CYP2U1: variants seen among roughly 807,000 people sequenced by gnomAD.
The protein encoded by CYP2U1 is cytochrome P450 family 2 subfamily U member 1.
Under a neutral mutation model 42.8 loss-of-function variants are expected in CYP2U1, and 28 were observed. The ratio of observed to expected loss-of-function variants is 0.65; its 90% CI spans 0.48 to 0.90. The LOEUF is 0.90. Ranked by LOEUF, CYP2U1 falls within the 40% of genes least tolerant of loss-of-function variation. CYP2U1 has a pLI of 0.00. For missense variants in CYP2U1, 642 were observed against 693.8 expected, an observed-to-expected ratio of 0.93 and a Z score of 0.84; for synonymous variants, 296 against 278.9, an observed-to-expected ratio of 1.06 and a Z score of -0.61.
At position 107,947,448 on chromosome 4, in the gene CYP2U1, T is replaced by C. The variant is rs199831660; in HGVS notation, c.1199T>C (p.Met400Thr). 1.2e-5 allele frequency: 19 copies of C among 1,614,122 alleles called. No individual in the cohort carries two copies. The East Asian group carries it at 3.6e-4, about 30-fold the overall frequency. ...CCTTCCCTCACAGACAAGGCCCAGATGCCCTACACAGAAGCCACCATCATG... is the reference window on the plus strand; with the variant it reads ...CCTTCCCTCACAGACAAGGCCCAGACGCCCTACACAGAAGCCACCATCATG... Reference protein sequence around the residue: ...RAPSLTDKAQMPYTEATIMEV... With the variant: ...RAPSLTDKAQTPYTEATIMEV... Residue 400 changes from methionine (M) to threonine (T), a missense_variant, in exon 3 of 5, where the codon ATG becomes ACG. Transcript: ENST00000332884.
At chr4:107,936,029 A>G (rs368691397) in intron 1 of CYP2U1, 1 of 152,244 alleles carries the variant, frequency 6.6e-6, no homozygotes, top group East Asian at 1.9e-4. Context: ...TTTGCTGAAA[A>G]GTTCCAGAAT....
chr4:107,940,766 C>T (rs915799364), intron 1 of CYP2U1: 1 of 151,980 alleles, frequency 6.6e-6, no homozygotes, highest in African/African-American at 2.4e-5. Flanking sequence ...AACATTCACC[C>T]TGTTTGTCTC....
intron 1 of CYP2U1, among the ~76,000 whole-genome samples, chr4:107,944,513 C>T (rs1733612674): frequency 6.6e-6 from 1 of 151,062 alleles, no homozygotes; most frequent in Non-Finnish European, 1.5e-5. Context: ...GTTCTGTTGC[C>T]CAAGCTGGTC....
chr4:107,942,132 A>G (rs1733516830), intron 1 of CYP2U1, among the ~76,000 whole-genome samples: 1 of 152,200 alleles, frequency 6.6e-6, no homozygotes, highest in Non-Finnish European at 1.5e-5. Flanking sequence ...TGAGCGTCCA[A>G]GCCAAGTTCT....
In CYP2U1 at chr4:107,949,487, A is replaced by T. The variant is rs1216013302; in HGVS notation, c.1426A>T (p.Lys476Ter). ...RFLDDQGQLIKKETFIPFGIG... is the reference protein window; with the variant it reads ...RFLDDQGQLI Reference sequence around the variant, plus strand: ...TCTGGATGACCAAGGACAACTAATTAAAAAAGAAACCTTTATTCCTTTTGG... The same window carrying T: ...TCTGGATGACCAAGGACAACTAATTTAAAAAGAAACCTTTATTCCTTTTGG... Residue 476 changes from lysine to a stop codon, truncating the protein, a stop_gained, in exon 4 of 5, where the codon AAA (lysine) becomes TAA (stop). Coordinates refer to ENST00000332884, the MANE Select transcript of CYP2U1 (RefSeq NM_183075.3). LOFTEE classifies it high-confidence loss of function. 2.5e-6 allele frequency: 4 copies of T among 1,598,084 alleles called. No homozygotes were observed. The highest frequency in any genetic ancestry group is 3.4e-6 in the Non-Finnish European group (4 of 1,173,248).
At position 107,945,072 on chromosome 4, in the gene CYP2U1, A is replaced by G. The variant is rs1380971716; in HGVS notation, c.593A>G (p.Lys198Arg). The G allele has an allele frequency of 1.2e-6, 2 of 1,613,728 alleles. No homozygotes were observed. The highest frequency in any genetic ancestry group is 1.7e-6 in the Non-Finnish European group (2 of 1,179,950). ...FGLGKLSLEP[K>R]IIEEFKYVKA... ...TTGGGAAAACTTAGCTTGGAGCCCA[A>G]GATTATTGAGGAGTTCAAATATGTG... The change falls in exon 2 of 5, where the codon AAG becomes AGG. Residue 198 changes from lysine (K) to arginine (R), a missense_variant. Lys to Arg is a conservative substitution (Grantham distance 26). Coordinates refer to ENST00000332884, the MANE Select transcript of CYP2U1 (RefSeq NM_183075.3).
At chr4:107,933,060 C>T (rs566540099) in intron 1 of CYP2U1, among the ~76,000 whole-genome samples, 6 of 152,312 alleles carry the variant, frequency 3.9e-5, no homozygotes, top group East Asian at 1.9e-4. Context: ...ATGCTATTTC[C>T]TGCCCCTATA....
At chr4:107,944,764 A>T (rs1331159700) in intron 1 of CYP2U1, among the ~76,000 whole-genome samples, 1 of 140,134 alleles carries the variant, frequency 7.1e-6, no homozygotes, top group Non-Finnish European at 1.5e-5. Flanking sequence ...GATTTTTGTT[A>T]TTATTAGAAA....
chr4:107,949,204 C>T (rs1733821332), intron 3 of CYP2U1, 146 bp from the exon 4 acceptor site: 1 of 685,218 alleles, frequency 1.5e-6, no homozygotes, highest in African/African-American at 1.9e-5. Context: ...AAGATCTTAT[C>T]CCTGCCCTCA....
In CYP2U1 at chr4:107,945,244, G is replaced by A; in HGVS notation, c.765G>A (p.Met255Ile). ...NSEFKKMLGF[M>I]SRGLEICLNS... The stretch of plus-strand genomic sequence containing the variant: ...AGTTCAAGAAAATGCTTGGTTTTAT[G>A]TCACGAGGCCTAGAAATCTGTCTGA... Residue 255 changes from methionine to isoleucine, a missense_variant, in exon 2 of 5, where the codon ATG (methionine) becomes ATA (isoleucine). By Grantham distance (10) the Met-to-Ile change is conservative. Coordinates refer to ENST00000332884, the MANE Select transcript of CYP2U1 (RefSeq NM_183075.3). 1 of 1,614,056 alleles carries A rather than the reference G, an allele frequency of 6.2e-7. No homozygotes were observed.
At chr4:107,941,787 G>A (rs1733503997) in intron 1 of CYP2U1, among the ~76,000 whole-genome samples, 1 of 151,906 alleles carries the variant, frequency 6.6e-6, no homozygotes, top group Non-Finnish European at 1.5e-5. Flanking sequence ...ATAATAAAAA[G>A]AGAACCTAAA....
rs1020871945 is a variant in CYP2U1, at chr4:107,952,561, C to T, written c.*2138C>T. The T allele has an allele frequency of 1.3e-5, 2 of 152,214 alleles. No individual in the cohort carries two copies. The highest frequency in any genetic ancestry group is 2.9e-5 in the Non-Finnish European group (2 of 68,034). The allele number at this position is 152,214 out of a possible 1,614,324, so 9.4% of individuals were successfully genotyped here. On this transcript the variant is annotated 3_prime_UTR_variant, in exon 5 of 5. Coordinates refer to ENST00000332884, the MANE Select transcript of CYP2U1 (RefSeq NM_183075.3). ...GTTTGGCCTTCTATAACTGATCACC[C>T]TTCTTTGCTCTGTTTTCCAGATAAA...
intron 1 of CYP2U1, among the ~76,000 whole-genome samples, chr4:107,939,317 A>G (rs1005038955): frequency 6.6e-6 from 1 of 152,230 alleles, no homozygotes; most frequent in African/African-American, 2.4e-5. Flanking sequence ...GGTTAAAGAC[A>G]GGAGGAATGA....
At chr4:107,945,905 T>G (rs1733684022) in intron 2 of CYP2U1, among the ~76,000 whole-genome samples, 1 of 152,230 alleles carries the variant, frequency 6.6e-6, no homozygotes. Flanking sequence ...GGAATCATAA[T>G]GCTGATCTGA....
chr4:107,942,093 G>C (rs564976109), intron 1 of CYP2U1, among the ~76,000 whole-genome samples: 1 of 152,152 alleles, frequency 6.6e-6, no homozygotes, highest in Non-Finnish European at 1.5e-5. Context: ...GTGTATCTGC[G>C]TGACAATGGA....
In CYP2U1 at chr4:107,931,981, T is replaced by G. The variant is rs1400770670; in HGVS notation, c.338T>G (p.Val113Gly). The G allele has an allele frequency of 3.2e-6, 5 of 1,552,928 alleles. No homozygotes were observed. The highest frequency in any genetic ancestry group is 4.4e-6 in the Non-Finnish European group (5 of 1,147,904). ...GTGCTCCTGGCTCACCTAGCCCGCG[T>G]GTACGGCAGCATCTTCAGCTTCTTT... ...PQVLLAHLAR[V>G]YGSIFSFFIG... Residue 113 changes from valine to glycine, a missense_variant, in exon 1 of 5, where the codon GTG becomes GGG. Transcript: ENST00000332884.
chr4:107,948,492 G>C (rs1275793146), intron 3 of CYP2U1, among the ~76,000 whole-genome samples: 1 of 152,022 alleles, frequency 6.6e-6, no homozygotes. Context: ...ACTTGAACCC[G>C]GGAGGCAGAG....
At position 107,950,969 on chromosome 4, in the gene CYP2U1, C is replaced by T. The variant is rs550685655; in HGVS notation, c.*546C>T. 1 of 152,450 alleles carries T rather than the reference C, an allele frequency of 6.6e-6. No individual in the cohort carries two copies. Among genetic ancestry groups the T allele is most frequent in the East Asian group, 1.9e-4 (1 of 5,176 alleles). 9.4% of individuals were successfully genotyped at this position (152,450 alleles called of 1,614,324 possible). ...GAGATGGGTGTGGATTTAGGTTATA[C>T]TGGGGGAGAACTTTTCTCAGCACAG... On this transcript the variant is annotated 3_prime_UTR_variant, in exon 5 of 5. Coordinates refer to ENST00000332884, the MANE Select transcript of CYP2U1 (RefSeq NM_183075.3).
chr4:107,946,055 G>A (rs1733688188), intron 2 of CYP2U1, among the ~76,000 whole-genome samples: 1 of 152,192 alleles, frequency 6.6e-6, no homozygotes, highest in African/African-American at 2.4e-5. Flanking sequence ...AGAATACAGG[G>A]AGGATGGTGT....
Sources: allele counts gnomAD v4.1 joint callset (sites outside exome capture counted in the v4.1 genomes callset), GRCh38; gene constraint gnomAD v4.1.1; transcripts MANE v1.5; gene names NCBI Gene and HGNC (gene_info 2026-07-23, HGNC 2026-07-21).